FOXJ3: variants seen among roughly 807,000 people sequenced by gnomAD.
The protein encoded by FOXJ3 is forkhead box protein J3.
FOXJ3 carries 22 observed loss-of-function variants against 76.1 expected under a neutral mutation model. The ratio of observed to expected loss-of-function variants is 0.29; its 90% CI spans 0.21 to 0.41. The LOEUF is 0.41. Among genes scored for constraint, FOXJ3 ranks in the 10% least tolerant of loss-of-function variants. The pLI, the probability that FOXJ3 is intolerant of heterozygous loss-of-function variation, is 1.00. For missense variants in FOXJ3, 613 were observed against 762.1 expected, an observed-to-expected ratio of 0.80 and a Z score of 2.30; for synonymous variants, 269 against 261.2, an observed-to-expected ratio of 1.03 and a Z score of -0.29.
chr1:42,217,202 A>T (rs1647087746), intron 5 of FOXJ3, among the ~76,000 whole-genome samples: 1 of 152,222 alleles, frequency 6.6e-6, no homozygotes, highest in Admixed American at 6.5e-5. Context: ...ATTTTTATAT[A>T]CTAGCTACAA....
chr1:42,206,166 CT>C (rs1479532146), intron 5 of FOXJ3, among the ~76,000 whole-genome samples: 3 of 152,144 alleles, frequency 2.0e-5, no homozygotes, highest in Non-Finnish European at 2.9e-5. Context: ...CCATTCTCCC[CT>C]CATCCCTTTC....
At chr1:42,264,989 G>C (rs1240270230) in intron 4 of FOXJ3, 126 bp downstream of exon 4, 4 of 747,146 alleles carry the variant, frequency 5.4e-6, no homozygotes, top group Non-Finnish European at 9.8e-6. Flanking sequence ...ACAAGCTTTA[G>C]AGCAGGGTGG....
chr1:42,320,092 TAGA>T (rs1211060293), intron 1 of FOXJ3, among the ~76,000 whole-genome samples: 2 of 152,222 alleles, frequency 1.3e-5, no homozygotes, highest in East Asian at 1.9e-4. Context: ...AAGAGACTAA[TAGA>T]AGATGAAAAA....
At chr1:42,238,032 T>G (rs1441277820) in intron 4 of FOXJ3, among the ~76,000 whole-genome samples, 1 of 152,030 alleles carries the variant, frequency 6.6e-6, no homozygotes, top group Non-Finnish European at 1.5e-5. Context: ...CAATACCATT[T>G]TTTATTTTTT....
intron 1 of FOXJ3, among the ~76,000 whole-genome samples, chr1:42,330,525 C>A (rs1293909408): frequency 6.6e-6 from 1 of 152,102 alleles, no homozygotes; most frequent in Admixed American, 6.5e-5. Context: ...GTAGTCCCAG[C>A]TACTTAGGGG....
intron 1 of FOXJ3, among the ~76,000 whole-genome samples, chr1:42,326,941 ATAAC>A (rs1196198329): frequency 6.6e-6 from 1 of 152,198 alleles, no homozygotes; most frequent in Non-Finnish European, 1.5e-5. Context: ...CCACCACTAA[ATAAC>A]TGAGTGGCAC....
At chr1:42,289,417 T>C (rs1653273463) in intron 2 of FOXJ3, among the ~76,000 whole-genome samples, 1 of 152,124 alleles carries the variant, frequency 6.6e-6, no homozygotes, top group Non-Finnish European at 1.5e-5. Flanking sequence ...ATATTTAGCA[T>C]ACAGTGAATG....
chr1:42,200,682 G>A (rs748641015), intron 6 of FOXJ3, among the ~76,000 whole-genome samples: 3 of 152,074 alleles, frequency 2.0e-5, no homozygotes, highest in Non-Finnish European at 4.4e-5. Context: ...GTTTCACTAT[G>A]TTGGTCATGC....
At chr1:42,230,527 T>C (rs1040851916) in intron 4 of FOXJ3, among the ~76,000 whole-genome samples, 1 of 152,136 alleles carries the variant, frequency 6.6e-6, no homozygotes, top group Non-Finnish European at 1.5e-5. Flanking sequence ...TACACATAGT[T>C]TGAAGGTAAT....
chr1:42,238,456 C>A (rs1467133587), intron 4 of FOXJ3, among the ~76,000 whole-genome samples: 1 of 152,224 alleles, frequency 6.6e-6, no homozygotes, highest in African/African-American at 2.4e-5. Flanking sequence ...AGTGGTTTGC[C>A]CAACTTCAGT....
At chr1:42,229,021 G>A (rs116193043) in intron 4 of FOXJ3, among the ~76,000 whole-genome samples, 237 of 152,170 alleles carry the variant, frequency 1.6e-3, no homozygotes, top group Non-Finnish European at 2.2e-3. Context: ...TGCCCAACAC[G>A]AATCATCTCC....
rs78634443 is a variant in FOXJ3 at position 42,229,104 on chromosome 1, C to T, written c.445-1138G>A. Among the ~76,000 whole-genome samples, 37 of 152,214 alleles carry T rather than the reference C, an allele frequency of 2.4e-4. No individual in the cohort carries two copies. The East Asian group carries it at 7.1e-3, about 29-fold the overall frequency. On this transcript the variant is annotated intron_variant, in intron 4 of 12. Transcript: ENST00000361346. ...ACGCTGACCTCACTACTTGTAATAC[C>T]TACCATACCAATGACAAACTCATAT...
At chr1:42,296,803 T>C (rs936403945) in intron 2 of FOXJ3, among the ~76,000 whole-genome samples, 1 of 152,234 alleles carries the variant, frequency 6.6e-6, no homozygotes, top group Non-Finnish European at 1.5e-5. Context: ...TTTGATTCCA[T>C]ATGCACTCCA....
chr1:42,324,198 C>CACTGTG (rs1655672831), intron 1 of FOXJ3, among the ~76,000 whole-genome samples: 7 of 111,590 alleles, frequency 6.3e-5, no homozygotes, highest in African/African-American at 2.2e-4. Context: ...AATATATATA[C>CACTGTG]TATATATATA....
chr1:42,234,120 ACTTCT>A (rs1247577680), intron 4 of FOXJ3, among the ~76,000 whole-genome samples: 1 of 151,888 alleles, frequency 6.6e-6, no homozygotes, highest in Non-Finnish European at 1.5e-5. Flanking sequence ...TTTTCTCTAA[ACTTCT>A]CTTCTCACTT....
intron 4 of FOXJ3, 106 bp downstream of exon 4, chr1:42,265,005 GACTT>G: frequency 1.3e-6 from 1 of 785,244 alleles, no homozygotes; most frequent in South Asian, 1.4e-5. Context: ...GGTGGGGGAG[GACTT>G]ACTATTTTGC....
At chr1:42,294,378 C>A (rs1653638606) in intron 2 of FOXJ3, among the ~76,000 whole-genome samples, 1 of 152,140 alleles carries the variant, frequency 6.6e-6, no homozygotes, top group Non-Finnish European at 1.5e-5. Context: ...AGGGTGCTAC[C>A]TGATTCAAGC....
intron 2 of FOXJ3, among the ~76,000 whole-genome samples, chr1:42,297,664 T>C (rs374062639): frequency 2.6e-5 from 4 of 152,326 alleles, no homozygotes; most frequent in East Asian, 3.9e-4. Flanking sequence ...ATTCAGCATT[T>C]GTTGAGGATT....
rs773645178 is a variant in FOXJ3, at chr1:42,177,694, A to C, written c.*2016T>G. ...ACATAAAGCTCTTCCTTTCTCCCCA[A>C]CCTCACCAGCCCTTACCATGGCTGG... On this transcript the variant is annotated 3_prime_UTR_variant, in exon 13 of 13. Coordinates refer to ENST00000361346, the MANE Select transcript of FOXJ3 (RefSeq NM_014947.5). 6.6e-6 allele frequency: 1 copy of C among 152,362 alleles called. No homozygotes were observed. Among genetic ancestry groups the C allele is most frequent in the Non-Finnish European group, 1.5e-5 (1 of 68,024 alleles). The allele number at this position is 152,362 out of a possible 1,614,324, so 9.4% of individuals were successfully genotyped here.
Sources: gnomAD v4.1 joint callset for allele counts (sites outside exome capture counted in the v4.1 genomes callset) on GRCh38, gnomAD v4.1.1 for gene constraint, MANE v1.5 for transcripts, NCBI Gene and HGNC (gene_info 2026-07-23, HGNC 2026-07-21) for gene names.